The following FGF12 variants were observed in gnomAD, a reference collection of about 807,000 sequenced individuals.
The protein encoded by FGF12 is fibroblast growth factor 12B.
FGF12 carries 14 observed loss-of-function variants against 23.6 expected under a neutral mutation model. The observed-to-expected ratio is 0.59, with a 90% CI of 0.39 to 0.93. The LOEUF (loss-of-function observed/expected upper bound fraction) is 0.93, where lower values mean the gene tolerates loss of function less well. Ranked by LOEUF, FGF12 falls within the 40% of genes least tolerant of loss-of-function variation. The probability of loss-of-function intolerance (pLI) is 0.00; values close to 1 mark genes in which losing one functional copy is unlikely to be tolerated. For missense variants in FGF12, 175 were observed against 217.8 expected (o/e 0.80, Z 1.24); for synonymous variants, 62 against 77.3 (o/e 0.80, Z 1.04).
intron 4 of FGF12, among the ~76,000 whole-genome samples, chr3:192,222,402 A>G (rs985159474): frequency 1.3e-5 from 2 of 152,150 alleles, no homozygotes; most frequent in African/African-American, 4.8e-5. Context: ...TATTCTGAAA[A>G]ATTCTGTAAA....
chr3:192,661,969 A>G (rs1716687677), intron 2 of FGF12, among the ~76,000 whole-genome samples: 1 of 152,242 alleles, frequency 6.6e-6, no homozygotes. Flanking sequence ...AAGAAGCTTT[A>G]TCACATCAAC....
rs568356809 is a variant in FGF12, at chr3:192,561,141, A to G, written c.13+166040T>C. 1.1e-4 allele frequency among the ~76,000 whole-genome samples: 17 copies of G among 152,164 alleles called. No homozygotes were observed. The East Asian group carries it at 3.3e-3, about 29-fold the overall frequency. ...GAAGCGGGGAGTAACCAACATATATATATGCCATATATACACACACACAAA... is the reference window on the plus strand; with the variant it reads ...GAAGCGGGGAGTAACCAACATATATGTATGCCATATATACACACACACAAA... On this transcript the variant is annotated intron_variant, in intron 2 of 5. Coordinates refer to ENST00000445105, the MANE Select transcript of FGF12 (RefSeq NM_004113.6).
At chr3:192,618,375 C>A (rs62293017) in intron 2 of FGF12, among the ~76,000 whole-genome samples, 25,370 of 151,760 alleles carry the variant, frequency 0.17, 2,372 homozygotes, top group African/African-American at 0.25. Flanking sequence ...AGACTCAAGT[C>A]CATCAAGTTC....
At chr3:192,664,495 T>C (rs1284116580) in intron 2 of FGF12, among the ~76,000 whole-genome samples, 1 of 151,604 alleles carries the variant, frequency 6.6e-6, no homozygotes, top group Admixed American at 6.6e-5. Context: ...ACGCCTGTAA[T>C]CCCAGCACTT....
rs369925460 is a variant in FGF12 at position 192,522,197 on chromosome 3, C to CA, written c.14-161660dup. 5.4e-4 allele frequency among the ~76,000 whole-genome samples: 76 copies of CA among 140,904 alleles called. No individual in the cohort carries two copies. The East Asian group carries it at 5.8e-3, about 11-fold the overall frequency. 92.4% of individuals were successfully genotyped at this position (140,904 alleles called of 152,430 possible). ...TGGGCGACAGAGCGAGACTCCGTCTCAAAAAAAAAAAAAACAAAAAAAAAC... is the reference window on the plus strand; with the variant it reads ...TGGGCGACAGAGCGAGACTCCGTCTCAAAAAAAAAAAAAAACAAAAAAAAAC... On this transcript the variant is annotated intron_variant, in intron 2 of 5. Coordinates refer to ENST00000445105, the MANE Select transcript of FGF12 (RefSeq NM_004113.6).
chr3:192,205,145 A>C (rs960049281), intron 4 of FGF12, among the ~76,000 whole-genome samples: 1 of 152,156 alleles, frequency 6.6e-6, no homozygotes, highest in African/African-American at 2.4e-5. Context: ...AGAAAAAAAA[A>C]GATTAATCTA....
At chr3:192,206,409 C>T (rs918176991) in intron 4 of FGF12, among the ~76,000 whole-genome samples, 1 of 152,124 alleles carries the variant, frequency 6.6e-6, no homozygotes, top group Non-Finnish European at 1.5e-5. Context: ...CTACTCAGTA[C>T]GTTGTTAAGC....
At chr3:192,726,804 G>C (rs1240313706) in intron 2 of FGF12, 1 of 248,286 alleles carries the variant, frequency 4.0e-6, no homozygotes, top group Non-Finnish European at 7.8e-6. Context: ...AGGTACAAAC[G>C]TGCCTGTCAG....
chr3:192,617,260 A>G (rs527867127), intron 2 of FGF12, among the ~76,000 whole-genome samples: 2 of 152,226 alleles, frequency 1.3e-5, no homozygotes, highest in African/African-American at 4.8e-5. Flanking sequence ...GAGAAGTTTG[A>G]AAAAGTCATT....
chr3:192,434,156 T>TA (rs1216602412), intron 2 of FGF12, among the ~76,000 whole-genome samples: 3 of 151,854 alleles, frequency 2.0e-5, no homozygotes, highest in Non-Finnish European at 4.4e-5. Flanking sequence ...CTTTTGCAAA[T>TA]AAAAAAACCC....
At position 192,285,137 on chromosome 3, in the gene FGF12, T is replaced by C. The variant is rs369162539; in HGVS notation, c.228+50224A>G. 5.3e-5 allele frequency among the ~76,000 whole-genome samples: 8 copies of C among 152,202 alleles called. 1 individual carries two copies. In the East Asian group the frequency reaches 1.4e-3, roughly 26 times the overall value. Reference sequence around the variant, plus strand: ...TCAAGTCTTGAGTATACTGCTGCCCTATGAAATGAAATGTAATATAAATCA... The same window carrying C: ...TCAAGTCTTGAGTATACTGCTGCCCCATGAAATGAAATGTAATATAAATCA... On this transcript the variant is annotated intron_variant, in intron 4 of 5. Coordinates refer to ENST00000445105, the MANE Select transcript of FGF12 (RefSeq NM_004113.6).
At position 192,408,242 on chromosome 3, in the gene FGF12, T is replaced by C. The variant is rs1390351774; in HGVS notation, c.14-47704A>G. 1 of 1,580,618 alleles carries C rather than the reference T, an allele frequency of 6.3e-7. No homozygotes were observed. The highest frequency in any genetic ancestry group is 2.3e-4 in the Middle Eastern group (1 of 4,368). ...CAGCCATAGCTGCTCAGCGAGGGCCTCAGGCCCCAGCCTCTACTGCGCCCT... is the reference window on the plus strand; with the variant it reads ...CAGCCATAGCTGCTCAGCGAGGGCCCCAGGCCCCAGCCTCTACTGCGCCCT... On this transcript the variant is annotated intron_variant, in intron 2 of 5. Transcript: ENST00000445105. This position sits in a 1 kb window ranked among gnomAD's most constrained non-coding sequence, Gnocchi z 7.3.
intron 5 of FGF12, among the ~76,000 whole-genome samples, chr3:192,152,559 A>G (rs1370663954): frequency 1.4e-5 from 2 of 146,186 alleles, no homozygotes; most frequent in African/African-American, 5.1e-5. Context: ...TTCTGCCTTC[A>G]TTTCGTTATG....
chr3:192,479,484 A>G (rs1367332291), intron 2 of FGF12, among the ~76,000 whole-genome samples: 1 of 152,156 alleles, frequency 6.6e-6, no homozygotes, highest in Non-Finnish European at 1.5e-5. Flanking sequence ...GACCTTAAGC[A>G]TTATCTATTT....
At chr3:192,497,732 C>G (rs1041672220) in intron 2 of FGF12, among the ~76,000 whole-genome samples, 3 of 152,188 alleles carry the variant, frequency 2.0e-5, no homozygotes, top group Admixed American at 6.5e-5. Flanking sequence ...TTGGTCTTTA[C>G]TAAAAAGCAA....
At chr3:192,474,605 G>T (rs1723264739) in intron 2 of FGF12, among the ~76,000 whole-genome samples, 1 of 152,194 alleles carries the variant, frequency 6.6e-6, no homozygotes. Flanking sequence ...AAAAAGGAAG[G>T]CCAGGTACGG....
intron 4 of FGF12, among the ~76,000 whole-genome samples, chr3:192,200,464 A>C (rs970419302): frequency 6.6e-6 from 1 of 152,192 alleles, no homozygotes; most frequent in African/African-American, 2.4e-5. Flanking sequence ...TTTAAACCAG[A>C]AAAACACTAG....
intron 2 of FGF12, among the ~76,000 whole-genome samples, chr3:192,389,242 C>T (rs1720190420): frequency 6.6e-6 from 1 of 152,094 alleles, no homozygotes; most frequent in Admixed American, 6.6e-5. Flanking sequence ...TGCCTATAGT[C>T]CCAGCTACTC....
chr3:192,229,585 A>G (rs1462858825), intron 4 of FGF12, among the ~76,000 whole-genome samples: 1 of 152,078 alleles, frequency 6.6e-6, no homozygotes, highest in Non-Finnish European at 1.5e-5. Flanking sequence ...CTATTAAGTG[A>G]TACAATACAA....
Sources: gnomAD v4.1 joint callset for allele counts (sites outside exome capture counted in the v4.1 genomes callset) on GRCh38, gnomAD v4.1.1 for gene constraint, Gnocchi (gnomAD v3.1) non-coding constraint, MANE v1.5 for transcripts, NCBI Gene and HGNC (gene_info 2026-07-23, HGNC 2026-07-21) for gene names.